PPP1R1B: variants seen among roughly 807,000 people sequenced by gnomAD.
The protein encoded by PPP1R1B is protein phosphatase 1 regulatory inhibitor subunit 1B, also known as protein phosphatase 1 regulatory subunit 1B.
In PPP1R1B, 13 loss-of-function variants were observed where a neutral mutation model predicts 28.2. The ratio of observed to expected loss-of-function variants is 0.46; its 90% CI spans 0.30 to 0.73. The LOEUF is 0.73. Ranked by LOEUF, PPP1R1B falls within the 30% of genes least tolerant of loss-of-function variation. PPP1R1B has a pLI of 0.07. For missense variants in PPP1R1B, 236 were observed against 256.7 expected, an observed-to-expected ratio of 0.92 and a Z score of 0.55; for synonymous variants, 102 against 97.5, an observed-to-expected ratio of 1.05 and a Z score of -0.27.
rs1365544219 is a variant in PPP1R1B, at chr17:39,635,954, T to A, written c.*89T>A. ...CTATCCTCACCCTGTTTTGTGCTCT[T>A]CCCCTCGCCTGCTAGGGCTGCGGCT... On this transcript the variant is annotated 3_prime_UTR_variant, in exon 7 of 7. Transcript: ENST00000254079. 4 of 1,420,576 alleles carry A rather than the reference T, an allele frequency of 2.8e-6. No individual in the cohort carries two copies. Among genetic ancestry groups the A allele is most frequent in the Non-Finnish European group, 2.9e-6 (3 of 1,030,520 alleles). The allele number at this position is 1,420,576 out of a possible 1,614,324, so 88.0% of individuals were successfully genotyped here. A position where few individuals can be genotyped will look rare whatever the true frequency, so the allele number is the denominator to read the frequency against.
At chr17:39,635,159 G>T (rs1211736333) in intron 5 of PPP1R1B, among the ~76,000 whole-genome samples, 1 of 152,102 alleles carries the variant, frequency 6.6e-6, no homozygotes, top group Admixed American at 6.5e-5. Context: ...TCGCACCACT[G>T]CACTCCAGCC....
rs2056920859 is a variant in PPP1R1B at position 39,636,074 on chromosome 17, C to CA, written c.*210dup. On this transcript the variant is annotated 3_prime_UTR_variant, in exon 7 of 7. Coordinates refer to ENST00000254079, the MANE Select transcript of PPP1R1B (RefSeq NM_032192.4). ...ACCTGGGCACTTGCTGCCTGATGCC[C>CA]ACCCCTGCCAGTCATTCCTCCATTC... 1.7e-6 allele frequency: 1 copy of CA among 584,928 alleles called. No individual in the cohort carries two copies. Among genetic ancestry groups the CA allele is most frequent in the Admixed American group, 3.0e-5 (1 of 32,864 alleles). 36.2% of individuals were successfully genotyped at this position (584,928 alleles called of 1,614,324 possible).
Position 39,635,597 on chromosome 17 carries a change from C to T in PPP1R1B, c.446-10C>T. ...AGCCTGTGTTCTTATCTCTTCTTTC[C>T]CATCCCCAGCTGGGCAAAAGACAAC... On this transcript the variant is annotated splice_polypyrimidine_tract_variant and intron_variant, in intron 5 of 6. Coordinates refer to ENST00000254079, the MANE Select transcript of PPP1R1B (RefSeq NM_032192.4). 6.2e-7 allele frequency: 1 copy of T among 1,612,418 alleles called. No individual in the cohort carries two copies. Among genetic ancestry groups the T allele is most frequent in the Non-Finnish European group, 8.5e-7 (1 of 1,178,752 alleles).
In PPP1R1B at chr17:39,633,775, C is replaced by T. The variant is rs543977240; in HGVS notation, c.242-108C>T. The stretch of plus-strand genomic sequence containing the variant: ...ACTTGGGCCCCTGAGGGGGTATTCT[C>T]TGCCCCAGGCCTACGGGAAGGAGGC... On this transcript the variant is annotated intron_variant, in intron 4 of 6. Coordinates refer to ENST00000254079, the MANE Select transcript of PPP1R1B (RefSeq NM_032192.4). 9.6e-4 allele frequency: 1,487 copies of T among 1,555,752 alleles called. 1 individual carries two copies. The highest frequency in any genetic ancestry group is 1.2e-3 in the Non-Finnish European group (1,357 of 1,153,330).
rs1300751401 is a variant in PPP1R1B, at chr17:39,627,364, C to T, written c.-29C>T. On this transcript the variant is annotated 5_prime_UTR_variant, in exon 1 of 7. Transcript: ENST00000254079. ...CGCCGCCGGGACCCCGAGTCGCGCA[C>T]CCCAGCCCCACCGCCCACCCCGCGC... 3 of 1,541,124 alleles carry T rather than the reference C, an allele frequency of 1.9e-6. No homozygotes were observed. The highest frequency in any genetic ancestry group is 1.1e-5 in the South Asian group (1 of 87,902).
Position 39,633,991 on chromosome 17 carries a change from CAA to C in PPP1R1B, c.351_352del (p.Glu119GlyfsTer3). ...GGGGAGCTTCGGGAGCTGGGTTATC[CAA>C]GAGAGGAAGATGAGGAGGAAGAGGA... On this transcript the variant is annotated frameshift_variant, in exon 5 of 7. Coordinates refer to ENST00000254079, the MANE Select transcript of PPP1R1B (RefSeq NM_032192.4). LOFTEE classifies it high-confidence loss of function. The C allele has an allele frequency of 6.2e-7, 1 of 1,613,794 alleles. No homozygotes were observed. Among genetic ancestry groups the C allele is most frequent in the Non-Finnish European group, 8.5e-7 (1 of 1,179,896 alleles).
intron 3 of PPP1R1B, 148 bp downstream of exon 3, chr17:39,629,710 A>G: frequency 2.4e-6 from 2 of 840,696 alleles, no homozygotes; most frequent in South Asian, 3.4e-5. Context: ...AGAGTGCCTC[A>G]TGCCAGGGTG....
At chr17:39,632,304 C>G (rs1295817532) in intron 4 of PPP1R1B, 1 of 156,686 alleles carries the variant, frequency 6.4e-6, no homozygotes, top group African/African-American at 2.4e-5. Flanking sequence ...GCGAGGGAGG[C>G]TCACGGGGCA....
In PPP1R1B at chr17:39,627,425, C is replaced by T; in HGVS notation, c.33C>T (p.Phe11=). ...CCAAGGACCGCAAGAAGATCCAGTTCTCGGTGCCCGCGCCCCCTAGCCAGC... is the reference window on the plus strand; with the variant it reads ...CCAAGGACCGCAAGAAGATCCAGTTTTCGGTGCCCGCGCCCCCTAGCCAGC... MDPKDRKKIQ[F]SVPAPPSQLD... The change falls in exon 1 of 7, where the codon TTC becomes TTT. Residue 11 remains phenylalanine (F), a synonymous_variant. Coordinates refer to ENST00000254079, the MANE Select transcript of PPP1R1B (RefSeq NM_032192.4). 1 of 1,604,542 alleles carries T rather than the reference C, an allele frequency of 6.2e-7. No homozygotes were observed. Among genetic ancestry groups the T allele is most frequent in the Non-Finnish European group, 8.5e-7 (1 of 1,176,724 alleles).
intron 1 of PPP1R1B, chr17:39,628,601 G>A: frequency 1.0e-6 from 1 of 986,362 alleles, no homozygotes; most frequent in Non-Finnish European, 1.2e-6. Flanking sequence ...GGCCCCTTTG[G>A]GTCCCTGAGC....
Position 39,635,799 on chromosome 17 carries a change from C to T in PPP1R1B, c.566-17C>T. 1.9e-6 allele frequency: 3 copies of T among 1,613,980 alleles called. No homozygotes were observed. Among genetic ancestry groups the T allele is most frequent in the South Asian group, 1.1e-5 (1 of 91,078 alleles). ...GGGTGGGGCCAGGCCCTGAGTCCCTCTCTGCTTGCCTTTCAGAGCCTGGGG... is the reference window on the plus strand; with the variant it reads ...GGGTGGGGCCAGGCCCTGAGTCCCTTTCTGCTTGCCTTTCAGAGCCTGGGG... On this transcript the variant is annotated splice_polypyrimidine_tract_variant and intron_variant, in intron 6 of 6. Coordinates refer to ENST00000254079, the MANE Select transcript of PPP1R1B (RefSeq NM_032192.4).
chr17:39,627,269 G>A lies in PPP1R1B; in HGVS notation c.-124G>A. ...CTCGGCGGGCACGGTATTTTTATCC[G>A]TGCGCGAACAGCCCTCCTCCTCCTC... On this transcript the variant is annotated 5_prime_UTR_variant, in exon 1 of 7. The change creates a new upstream start codon in the 5' untranslated region. Coordinates refer to ENST00000254079, the MANE Select transcript of PPP1R1B (RefSeq NM_032192.4). The A allele has an allele frequency of 1.6e-6, 1 of 643,118 alleles. No individual in the cohort carries two copies. Among genetic ancestry groups the A allele is most frequent in the East Asian group, 3.4e-5 (1 of 29,190 alleles). The allele number at this position is 643,118 out of a possible 1,614,324, so 39.8% of individuals were successfully genotyped here. A position where few individuals can be genotyped will look rare whatever the true frequency, so the allele number is the denominator to read the frequency against.
intron 4 of PPP1R1B, 81 bp from the exon 5 acceptor site, chr17:39,633,801 TG>T: frequency 1.3e-6 from 2 of 1,587,794 alleles, no homozygotes. Flanking sequence ...GGAAGGAGGC[TG>T]GGGGCTAGGC....
Position 39,629,578 on chromosome 17 carries a change from C to T in PPP1R1B, c.165+16C>T. ...CCCCCACCAGGTGAGTTTCCTGGGGCAGCTGGAAGGAGGGATGCCTGGGCC... is the reference window on the plus strand; with the variant it reads ...CCCCCACCAGGTGAGTTTCCTGGGGTAGCTGGAAGGAGGGATGCCTGGGCC... On this transcript the variant is annotated intron_variant, in intron 3 of 6. Coordinates refer to ENST00000254079, the MANE Select transcript of PPP1R1B (RefSeq NM_032192.4). The T allele has an allele frequency of 5.0e-6, 8 of 1,613,544 alleles. No homozygotes were observed. The highest frequency in any genetic ancestry group is 6.8e-6 in the Non-Finnish European group (8 of 1,179,800).
At position 39,627,434 on chromosome 17, in the gene PPP1R1B, C is replaced by A; in HGVS notation, c.42C>A (p.Pro14=). 1 of 1,603,754 alleles carries A rather than the reference C, an allele frequency of 6.2e-7. No homozygotes were observed. The part of the protein sequence containing the change: ...KDRKKIQFSV[P]APPSQLDPRQ... ...GCAAGAAGATCCAGTTCTCGGTGCCCGCGCCCCCTAGCCAGCTCGACCCCC... is the reference window on the plus strand; with the variant it reads ...GCAAGAAGATCCAGTTCTCGGTGCCAGCGCCCCCTAGCCAGCTCGACCCCC... The change falls in exon 1 of 7, where the codon CCC becomes CCA. Residue 14 remains proline, a synonymous_variant. Transcript: ENST00000254079.
chr17:39,629,218 C>A lies in PPP1R1B; in HGVS notation c.130C>A (p.His44Asn). 1.2e-6 allele frequency: 2 copies of A among 1,613,710 alleles called. No homozygotes were observed. Among genetic ancestry groups the A allele is most frequent in the Non-Finnish European group, 8.5e-7 (1 of 1,179,890 alleles). Residue 44 changes from histidine to asparagine, a missense_variant, in exon 2 of 7, where the codon CAC becomes AAC. Physicochemically the swap from His to Asn is moderately conservative, Grantham distance 68. Coordinates refer to ENST00000254079, the MANE Select transcript of PPP1R1B (RefSeq NM_032192.4). ...TPAMLFRLSE[H>N]SSPEEEASPH... ...TGCCATGCTGTTCCGGCTCTCAGAG[C>A]ACTCCTCACCAGGTAGGCCCCTCCC...
chr17:39,632,328 C>G lies in PPP1R1B; in HGVS notation c.242-1555C>G, dbSNP rs540313566. ...GCTCACGGGGCACCAGCGCAAGCACCGCACACACCTTCTGTTGTCACTGTG... is the reference window on the plus strand; with the variant it reads ...GCTCACGGGGCACCAGCGCAAGCACGGCACACACCTTCTGTTGTCACTGTG... On this transcript the variant is annotated intron_variant, in intron 4 of 6. Transcript: ENST00000254079. 297 of 154,826 alleles carry G rather than the reference C, an allele frequency of 1.9e-3. 2 individuals carry two copies. The highest frequency in any genetic ancestry group is 6.7e-3 in the African/African-American group (280 of 41,586). The allele number at this position is 154,826 out of a possible 1,614,324, so 9.6% of individuals were successfully genotyped here.
intron 4 of PPP1R1B, 191 bp from the exon 5 acceptor site, chr17:39,633,692 G>C (rs1247173679): frequency 1.2e-6 from 1 of 869,146 alleles, no homozygotes; most frequent in Non-Finnish European, 1.7e-6. Context: ...ATCTACCCCT[G>C]GCTGCCTCTG....
rs1194587606 is a variant in PPP1R1B at position 39,629,964 on chromosome 17, C to T, written c.166-8C>T. The T allele has an allele frequency of 7.4e-6, 12 of 1,614,064 alleles. No homozygotes were observed. The highest frequency in any genetic ancestry group is 1.0e-5 in the Non-Finnish European group (12 of 1,179,936). On this transcript the variant is annotated splice_region_variant and splice_polypyrimidine_tract_variant and intron_variant, in intron 3 of 6. Coordinates refer to ENST00000254079, the MANE Select transcript of PPP1R1B (RefSeq NM_032192.4). ...TGAGCCCCTTTAACCTGGCACTTCCCCTGGCAGAGAGCCTCAGGAGAGGGG... is the reference window on the plus strand; with the variant it reads ...TGAGCCCCTTTAACCTGGCACTTCCTCTGGCAGAGAGCCTCAGGAGAGGGG...
Sources: allele counts gnomAD v4.1 joint callset (sites outside exome capture counted in the v4.1 genomes callset), GRCh38; gene constraint gnomAD v4.1.1; transcripts MANE v1.5; gene names NCBI Gene and HGNC (gene_info 2026-07-23, HGNC 2026-07-21).